The following MYO5A variants were observed in gnomAD, a reference collection of about 807,000 sequenced individuals.
The protein encoded by MYO5A is unconventional myosin-Va.
A neutral mutation model predicts 249.7 loss-of-function variants in MYO5A; 98 were observed. The ratio of observed to expected loss-of-function variants is 0.39; its 90% confidence interval spans 0.33 to 0.46. MYO5A has a LOEUF of 0.46. MYO5A is among the 20% of genes least tolerant of loss of function. The probability of loss-of-function intolerance (pLI) is 0.98; values close to 1 mark genes in which losing one functional copy is unlikely to be tolerated. For synonymous variants in MYO5A, 778 were observed against 810.6 expected, an observed-to-expected ratio of 0.96 and a Z score of 0.68; for missense variants, 1,696 against 2,308.8, an observed-to-expected ratio of 0.73 and a Z score of 5.44.
Position 52,309,839 on chromosome 15 carries a change from G to GGTGTGTGTGTGTGTAT in MYO5A, c.*3841_*3856dup, listed in dbSNP as rs1555423557. ...AGGAACTCTATGAATTAGTGACGGG[G>GGTGTGTGTGTGTGTAT]GTGTGTGTGTGTGTATGTGTGTGTG... On this transcript the variant is annotated 3_prime_UTR_variant, in exon 42 of 42. Coordinates refer to ENST00000399233, the MANE Select transcript of MYO5A (RefSeq NM_001382347.1). 1.4e-5 allele frequency: 2 copies of GGTGTGTGTGTGTGTAT among 146,204 alleles called. No individual in the cohort carries two copies. Among genetic ancestry groups the GGTGTGTGTGTGTGTAT allele is most frequent in the East Asian group, 4.6e-4 (2 of 4,336 alleles). 9.1% of individuals were successfully genotyped at this position (146,204 alleles called of 1,614,324 possible).
chr15:52,416,072 G>A, intron 5 of MYO5A, 73 bp downstream of exon 5: 13 of 1,547,324 alleles, frequency 8.4e-6, no homozygotes, highest in Non-Finnish European at 1.2e-5. Context: ...GAGACATGCT[G>A]TATCAATCAA....
At chr15:52,359,922 C>T (rs934730877) in intron 25 of MYO5A, 46 bp downstream of exon 25, 2 of 1,339,884 alleles carry the variant, frequency 1.5e-6, no homozygotes, top group East Asian at 2.3e-5. Flanking sequence ...TTGTTAACAA[C>T]AGCATGCTCA....
At chr15:52,440,172 G>A (rs2444020) in intron 1 of MYO5A, among the ~76,000 whole-genome samples, 149,010 of 152,380 alleles carry the variant, frequency 0.98, 72,952 homozygotes, top group East Asian at 1. Context: ...GAGGCACCAA[G>A]CAGTGTTGGC....
intron 14 of MYO5A, among the ~76,000 whole-genome samples, chr15:52,386,730 T>G (rs896056877): frequency 6.6e-6 from 1 of 152,112 alleles, no homozygotes; most frequent in Admixed American, 6.5e-5. Flanking sequence ...TATTTTTTTG[T>G]AGACATGGGG....
intron 1 of MYO5A, among the ~76,000 whole-genome samples, chr15:52,504,224 C>T (rs1240447564): frequency 6.6e-6 from 1 of 152,114 alleles, no homozygotes; most frequent in Non-Finnish European, 1.5e-5. Context: ...TCCACCCACT[C>T]ACTCTTACTC....
intron 18 of MYO5A, among the ~76,000 whole-genome samples, chr15:52,379,329 G>A (rs1216933363): frequency 6.6e-6 from 1 of 152,114 alleles, no homozygotes; most frequent in Non-Finnish European, 1.5e-5. Context: ...TAATCACACA[G>A]CATTTGGCCT....
chr15:52,370,728 G>A (rs1417364329), intron 21 of MYO5A, among the ~76,000 whole-genome samples: 1 of 152,138 alleles, frequency 6.6e-6, no homozygotes, highest in Admixed American at 6.5e-5. Context: ...AGAAATAGGA[G>A]GATCTATACT....
At chr15:52,478,413 A>G (rs2076644628) in intron 1 of MYO5A, among the ~76,000 whole-genome samples, 1 of 151,786 alleles carries the variant, frequency 6.6e-6, no homozygotes, top group South Asian at 2.1e-4. Context: ...GGCTGTACCC[A>G]CTGTCCTGCA....
At chr15:52,426,950 A>G (rs1186531794) in intron 3 of MYO5A, among the ~76,000 whole-genome samples, 1 of 152,090 alleles carries the variant, frequency 6.6e-6, no homozygotes, top group African/African-American at 2.4e-5. Context: ...TAGGGTGGCC[A>G]GACAAGACTT....
chr15:52,413,525 C>G (rs986085532), intron 5 of MYO5A, among the ~76,000 whole-genome samples: 1 of 152,132 alleles, frequency 6.6e-6, no homozygotes, highest in African/African-American at 2.4e-5. Flanking sequence ...GTAGGATGCT[C>G]ATTATCCTAT....
intron 24 of MYO5A, 49 bp from the exon 25 acceptor site, chr15:52,360,130 G>T: frequency 7.7e-7 from 1 of 1,293,390 alleles, no homozygotes; most frequent in Non-Finnish European, 1.1e-6. Flanking sequence ...AATTAGTCTA[G>T]GCATAGTTAA....
intron 28 of MYO5A, among the ~76,000 whole-genome samples, chr15:52,349,520 T>C (rs756915012): frequency 1.2e-4 from 19 of 152,132 alleles, no homozygotes; most frequent in Admixed American, 3.9e-4. Flanking sequence ...AGCTGTCACA[T>C]GGGGTACGTG....
chr15:52,322,138 T>G (rs2038356648), intron 37 of MYO5A, among the ~76,000 whole-genome samples: 1 of 152,236 alleles, frequency 6.6e-6, no homozygotes, highest in African/African-American at 2.4e-5. Context: ...TGATGCTACG[T>G]GATAAAGGCA....
intron 14 of MYO5A, among the ~76,000 whole-genome samples, chr15:52,384,757 T>C (rs1378721097): frequency 6.6e-6 from 1 of 152,212 alleles, no homozygotes; most frequent in Non-Finnish European, 1.5e-5. Flanking sequence ...ATCAAGTGTC[T>C]ACTCACCTGC....
chr15:52,441,320 G>A (rs1260228203), intron 1 of MYO5A, among the ~76,000 whole-genome samples: 1 of 152,156 alleles, frequency 6.6e-6, no homozygotes, highest in African/African-American at 2.4e-5. Flanking sequence ...GGATGTGTGT[G>A]TGTGTGTCTG....
intron 27 of MYO5A, among the ~76,000 whole-genome samples, chr15:52,352,037 A>C (rs959459829): frequency 6.6e-6 from 1 of 152,258 alleles, no homozygotes; most frequent in East Asian, 1.9e-4. Flanking sequence ...TGTCTAAATG[A>C]CAACAAATAG....
At chr15:52,345,530 A>G (rs1305801281) in intron 30 of MYO5A, among the ~76,000 whole-genome samples, 1 of 151,584 alleles carries the variant, frequency 6.6e-6, no homozygotes. Context: ...GGTTGCAGTG[A>G]GCTGAGATTG....
chr15:52,513,673 C>T (rs937910521), intron 1 of MYO5A, among the ~76,000 whole-genome samples: 1 of 151,888 alleles, frequency 6.6e-6, no homozygotes, highest in South Asian at 2.1e-4. Context: ...CCAGGTGATC[C>T]ACCCACCTCG....
intron 1 of MYO5A, among the ~76,000 whole-genome samples, chr15:52,450,229 C>T (rs533927092): frequency 6.6e-6 from 1 of 151,906 alleles, no homozygotes; most frequent in Non-Finnish European, 1.5e-5. Context: ...GTATTGCCTA[C>T]AATGAGGGTA....
Sources: gnomAD v4.1 joint callset for allele counts (sites outside exome capture counted in the v4.1 genomes callset) on GRCh38, gnomAD v4.1.1 for gene constraint, MANE v1.5 for transcripts, NCBI Gene and HGNC (gene_info 2026-07-23, HGNC 2026-07-21) for gene names.